The following RNF149 variants were observed in gnomAD, a reference collection of about 807,000 sequenced individuals.
RNF149 encodes E3 ubiquitin-protein ligase RNF149.
In RNF149, 21 loss-of-function variants were observed where a neutral mutation model predicts 39.0. The observed-to-expected ratio is 0.54, with a 90% CI of 0.38 to 0.77. The LOEUF (loss-of-function observed/expected upper bound fraction) is 0.77, where lower values mean the gene tolerates loss of function less well. RNF149 is among the 30% of genes least tolerant of loss of function. The pLI is 0.00. For synonymous variants in RNF149, 209 were observed against 213.6 expected (o/e 0.98, Z 0.19); for missense variants, 493 against 534.9 (o/e 0.92, Z 0.77).
Position 101,276,929 on chromosome 2 carries a change from A to G in RNF149, c.*309T>C, listed in dbSNP as rs1231509052. ...TAACTGGTTTTTACAGAACCATAGC[A>G]GCCAATTATTTAGAAACACCACCTG... On this transcript the variant is annotated 3_prime_UTR_variant, in exon 7 of 7. Coordinates refer to ENST00000295317, the MANE Select transcript of RNF149 (RefSeq NM_173647.4). The G allele has an allele frequency of 2.5e-5, 27 of 1,082,794 alleles. No individual in the cohort carries two copies. The highest frequency in any genetic ancestry group is 3.0e-5 in the Non-Finnish European group (27 of 886,580). The allele number at this position is 1,082,794 out of a possible 1,614,324, so 67.1% of individuals were successfully genotyped here. A position where few individuals can be genotyped will look rare whatever the true frequency, so the allele number is the denominator to read the frequency against.
At position 101,294,047 on chromosome 2, in the gene RNF149, C is replaced by T; in HGVS notation, c.747G>A (p.Gln249=). The T allele has an allele frequency of 6.3e-7, 1 of 1,590,364 alleles. No individual in the cohort carries two copies. The highest frequency in any genetic ancestry group is 1.1e-5 in the South Asian group (1 of 89,996). The change falls in exon 3 of 7, where the codon CAG becomes CAA. Residue 249 remains glutamine (Q), a synonymous_variant. Coordinates refer to ENST00000295317, the MANE Select transcript of RNF149 (RefSeq NM_173647.4). The part of the protein sequence containing the change: ...HRKETKKVIG[Q]LLLHTVKHGE... ...CATGCTTTACAGTATGAAGTAGAAG[C>T]TGGCCAATAACTTTCTTAGTTTCTT...
intron 5 of RNF149, among the ~76,000 whole-genome samples, chr2:101,284,407 C>T (rs1448840719): frequency 6.6e-6 from 1 of 152,002 alleles, no homozygotes; most frequent in Non-Finnish European, 1.5e-5. Flanking sequence ...TGGTAAAACC[C>T]TATCTCTACA....
rs746044448 is a variant in RNF149 at position 101,281,853 on chromosome 2, G to A, written c.1159+6C>T. The A allele has an allele frequency of 8.5e-5, 137 of 1,613,100 alleles. 1 individual carries two copies. The highest frequency in any genetic ancestry group is 9.9e-5 in the Non-Finnish European group (117 of 1,179,914). On this transcript the variant is annotated splice_donor_region_variant and intron_variant, in intron 6 of 6. Coordinates refer to ENST00000295317, the MANE Select transcript of RNF149 (RefSeq NM_173647.4). ...TCTATTGTTTTATAATTTGCACACC[G>A]CTCACCTAGCAATGCCGTATTTTCT...
intron 3 of RNF149, among the ~76,000 whole-genome samples, chr2:101,292,411 T>C (rs1020882421): frequency 1.3e-5 from 2 of 152,206 alleles, no homozygotes; most frequent in Non-Finnish European, 2.9e-5. Flanking sequence ...AATTTACTTG[T>C]GTTCTCAAAG....
At chr2:101,281,717 TC>T (rs1456519246) in intron 6 of RNF149, 141 bp downstream of exon 6, 1 of 952,710 alleles carries the variant, frequency 1.0e-6, no homozygotes, top group African/African-American at 1.6e-5. Flanking sequence ...CCCAGGCTGT[TC>T]TCAAATTTCT....
intron 1 of RNF149, among the ~76,000 whole-genome samples, chr2:101,298,708 C>A (rs937736303): frequency 1.3e-5 from 2 of 152,164 alleles, no homozygotes; most frequent in Non-Finnish European, 2.9e-5. Flanking sequence ...CCTATATGCT[C>A]CCATCAACAC....
At chr2:101,289,515 G>A (rs193289883) in intron 3 of RNF149, among the ~76,000 whole-genome samples, 1 of 151,988 alleles carries the variant, frequency 6.6e-6, no homozygotes, top group Admixed American at 6.6e-5. Flanking sequence ...GACCATCCTG[G>A]CCAACATGGT....
At chr2:101,275,071 A>G (rs1682277912), downstream of RNF149, among the ~76,000 whole-genome samples, 1 of 138,914 alleles carries the variant, frequency 7.2e-6, no homozygotes, top group Non-Finnish European at 1.5e-5. Context: ...CTGGGTTTAG[A>G]GGCGTGAGCC....
intron 1 of RNF149, among the ~76,000 whole-genome samples, chr2:101,296,262 T>G (rs963018410): frequency 6.6e-6 from 1 of 152,098 alleles, no homozygotes; most frequent in African/African-American, 2.4e-5. Flanking sequence ...TCTGAAGGCA[T>G]AAGCAGACAT....
chr2:101,301,685 GTTTT>G (rs1435583334), intron 1 of RNF149, among the ~76,000 whole-genome samples: 2 of 146,838 alleles, frequency 1.4e-5, no homozygotes, highest in Non-Finnish European at 3.0e-5. Flanking sequence ...GTTTACTTCT[GTTTT>G]TTTGTTTGTT....
In RNF149 at chr2:101,308,145, C is replaced by T; in HGVS notation, c.444G>A (p.Leu148=). 1 of 1,609,574 alleles carries T rather than the reference C, an allele frequency of 6.2e-7. No individual in the cohort carries two copies. Among genetic ancestry groups the T allele is most frequent in the Non-Finnish European group, 8.5e-7 (1 of 1,179,054 alleles). ...CCTGCTCACCCGCGTGAGACATGGG[C>T]AAGGTGATGTTCCCGTAGCGCTCCT... ...YNEERYGNIT[L]PMSHAGTGNI... The change falls in exon 1 of 7, where the codon TTG becomes TTA. Residue 148 remains leucine, a synonymous_variant. Coordinates refer to ENST00000295317, the MANE Select transcript of RNF149 (RefSeq NM_173647.4).
chr2:101,273,375 T>G (rs1198861514), downstream of RNF149: 1 of 470,806 alleles, frequency 2.1e-6, no homozygotes, highest in Admixed American at 2.4e-5. Context: ...ATTCATGTGG[T>G]AAATAATATA....
At chr2:101,295,317 C>T (rs1024099673) in intron 1 of RNF149, 136 bp from the exon 2 acceptor site, 1 of 731,656 alleles carries the variant, frequency 1.4e-6, no homozygotes, top group African/African-American at 1.8e-5. Flanking sequence ...CATAAGTTAC[C>T]AAACCTGGTT....
Position 101,288,981 on chromosome 2 carries a change from C to G in RNF149, c.855G>C (p.Leu285=). ...ATGTAAAAAGAACATACTTGCATGG[C>G]AGAATTCTAATAATATCCTTTACTT... ...NFKVKDIIRI[L]PCKHIFHRIC... is the part of the protein sequence containing the mutation. Residue 285 remains leucine, a synonymous_variant, in exon 4 of 7, where the codon CTG becomes CTC. Transcript: ENST00000295317. 6.5e-7 allele frequency: 1 copy of G among 1,535,048 alleles called. No individual in the cohort carries two copies. The highest frequency in any genetic ancestry group is 9.0e-7 in the Non-Finnish European group (1 of 1,110,762).
At position 101,295,012 on chromosome 2, in the gene RNF149, G is replaced by A; in HGVS notation, c.630C>T (p.Thr210=). The change falls in exon 2 of 7, where the codon ACC becomes ACT. Residue 210 remains threonine, a synonymous_variant. Coordinates refer to ENST00000295317, the MANE Select transcript of RNF149 (RefSeq NM_173647.4). ...GCCAGGCTAACGAGATAATCATCATGGTGATGAAGGCAATGGCCACAAACA... is the reference window on the plus strand; with the variant it reads ...GCCAGGCTAACGAGATAATCATCATAGTGATGAAGGCAATGGCCACAAACA... ...SVVFVAIAFI[T]MMIISLAWLI... 6.2e-7 allele frequency: 1 copy of A among 1,613,720 alleles called. No homozygotes were observed. Among genetic ancestry groups the A allele is most frequent in the Non-Finnish European group, 8.5e-7 (1 of 1,179,686 alleles).
At chr2:101,294,829 C>A in intron 2 of RNF149, 102 bp downstream of exon 2, 2 of 996,946 alleles carry the variant, frequency 2.0e-6, no homozygotes, top group Non-Finnish European at 1.5e-6. Context: ...ATAATATAAG[C>A]GAAAATCAAG....
At chr2:101,291,214 G>T (rs1370597926) in intron 3 of RNF149, among the ~76,000 whole-genome samples, 3 of 151,926 alleles carry the variant, frequency 2.0e-5, no homozygotes, top group Admixed American at 6.6e-5. Flanking sequence ...GCAGTGGCGC[G>T]ATCTTGGCTC....
chr2:101,272,791 G>A (rs555916611), downstream of RNF149: 19 of 400,318 alleles, frequency 4.7e-5, no homozygotes, highest in Middle Eastern at 4.0e-4. Context: ...GATCTTACTG[G>A]GGAATTTGGT....
At chr2:101,275,177 G>A (rs1378387518), downstream of RNF149, among the ~76,000 whole-genome samples, 2 of 123,870 alleles carry the variant, frequency 1.6e-5, no homozygotes, top group African/African-American at 6.3e-5. Context: ...GAGTGCAGTA[G>A]CGCAATCTTG....
Sources: allele counts gnomAD v4.1 joint callset (sites outside exome capture counted in the v4.1 genomes callset), GRCh38; gene constraint gnomAD v4.1.1; transcripts MANE v1.5; gene names NCBI Gene and HGNC (gene_info 2026-07-23, HGNC 2026-07-21).